PCNX1: variants seen among roughly 807,000 people sequenced by gnomAD.
The protein encoded by PCNX1 is pecanex 1, also known as pecanex-like protein 1.
PCNX1 carries 78 observed loss-of-function variants against 242.2 expected under a neutral mutation model. The ratio of observed to expected loss-of-function variants is 0.32; its 90% CI spans 0.27 to 0.39. PCNX1 has a LOEUF of 0.39. PCNX1 is among the 10% of genes least tolerant of loss of function. The pLI is 1.00. For synonymous variants in PCNX1, 1,024 were observed against 1,032.9 expected (o/e 0.99, Z 0.17); for missense variants, 2,581 against 2,856.5 (o/e 0.90, Z 2.20).
At chr14:70,979,038 A>G (rs1363577533) in intron 6 of PCNX1, among the ~76,000 whole-genome samples, 3 of 152,184 alleles carry the variant, frequency 2.0e-5, no homozygotes, top group Non-Finnish European at 4.4e-5. Flanking sequence ...TATACAGTAT[A>G]TGACACTGAA....
In PCNX1 at chr14:70,988,623, C is replaced by T. The variant is rs375043899; in HGVS notation, c.2368C>T (p.Arg790Cys). 6.8e-6 allele frequency: 11 copies of T among 1,613,912 alleles called. No individual in the cohort carries two copies. Among genetic ancestry groups the T allele is most frequent in the Admixed American group, 1.7e-5 (1 of 59,998 alleles). Residue 790 changes from arginine (R) to cysteine (C), a missense_variant, in exon 7 of 36, where the codon CGC becomes TGC. Transcript: ENST00000304743. ...SFRRERSTFR[R>C]QAVRRRHNAG... The stretch of plus-strand genomic sequence containing the variant: ...TCGCCGTGAACGCAGCACATTTAGG[C>T]GCCAGGCAGTACGGCGCCGGCACAA...
intron 1 of PCNX1, among the ~76,000 whole-genome samples, chr14:70,908,344 A>T (rs1312726268): frequency 6.6e-6 from 1 of 151,936 alleles, no homozygotes; most frequent in East Asian, 1.9e-4. Context: ...GCTGTGTGGC[A>T]GGCGCCGAGC....
intron 13 of PCNX1, among the ~76,000 whole-genome samples, chr14:71,024,447 G>A (rs1317766243): frequency 6.6e-6 from 1 of 151,988 alleles, no homozygotes; most frequent in African/African-American, 2.4e-5. Context: ...ATAGATATAG[G>A]CCAGTTATTT....
chr14:71,073,525 GCTCT>G lies in PCNX1; in HGVS notation c.4853-7_4853-4del. On this transcript the variant is annotated splice_polypyrimidine_tract_variant and intron_variant, in intron 26 of 35. Coordinates refer to ENST00000304743, the MANE Select transcript of PCNX1 (RefSeq NM_014982.3). ...CTTTCTGGTTTTCCCCCTTTGTAAAGCTCTCTCTCTCTCTCTAAGGTACCTACTG... is the reference window on the plus strand; with the variant it reads ...CTTTCTGGTTTTCCCCCTTTGTAAAGCTCTCTCTCTCTAAGGTACCTACTG... The G allele has an allele frequency of 2.6e-6, 4 of 1,523,218 alleles. No individual in the cohort carries two copies. The highest frequency in any genetic ancestry group is 3.6e-6 in the Non-Finnish European group (4 of 1,117,040). The allele number at this position is 1,523,218 out of a possible 1,614,324, so 94.4% of individuals were successfully genotyped here. A position where few individuals can be genotyped will look rare whatever the true frequency, so the allele number is the denominator to read the frequency against.
chr14:71,027,086 C>T, intron 15 of PCNX1: 1 of 435,620 alleles, frequency 2.3e-6, no homozygotes, highest in Non-Finnish European at 4.1e-6. Flanking sequence ...AGAGAAAGAG[C>T]CAGGTATAAT....
At chr14:71,044,305 C>A in intron 19 of PCNX1, 1 of 152,688 alleles carries the variant, frequency 6.5e-6, no homozygotes, top group Non-Finnish European at 1.5e-5. Context: ...GTCCTTTGGT[C>A]TACAGTCGGC....
At chr14:70,962,409 C>T (rs1467170620) in intron 3 of PCNX1, 78 bp downstream of exon 3, 11 of 740,946 alleles carry the variant, frequency 1.5e-5, no homozygotes, top group East Asian at 1.0e-4. Flanking sequence ...GTCTTTAAGT[C>T]GGCTGATGTT....
chr14:71,012,193 C>G (rs963073214), intron 10 of PCNX1: 2 of 152,938 alleles, frequency 1.3e-5, no homozygotes, highest in Non-Finnish European at 2.9e-5. Context: ...AATATAGTAA[C>G]AACAATGATA....
intron 19 of PCNX1, among the ~76,000 whole-genome samples, chr14:71,040,488 A>C (rs768554456): frequency 1.1e-4 from 17 of 152,154 alleles, no homozygotes; most frequent in Non-Finnish European, 2.4e-4. Context: ...TACAGTTTTC[A>C]TTAAATTTGG....
chr14:71,103,209 G>A (rs995909510), intron 31 of PCNX1, among the ~76,000 whole-genome samples, 186 bp from the exon 32 acceptor site: 5 of 151,832 alleles, frequency 3.3e-5, no homozygotes, highest in African/African-American at 9.7e-5. Flanking sequence ...TTATTATTTA[G>A]CAACCTGCTA....
At chr14:71,019,346 T>A (rs2140727197) in intron 12 of PCNX1, among the ~76,000 whole-genome samples, 184 bp downstream of exon 12, 1 of 152,294 alleles carries the variant, frequency 6.6e-6, no homozygotes, top group Admixed American at 6.5e-5. Flanking sequence ...GTATGTAAAT[T>A]AGCACTTCCT....
In PCNX1 at chr14:70,934,170, C is replaced by T. The variant is rs146146878; in HGVS notation, c.154-12745C>T. Among the ~76,000 whole-genome samples, 472 of 152,266 alleles carry T rather than the reference C, an allele frequency of 3.1e-3. 5 individuals are homozygous for T. The highest frequency in any genetic ancestry group is 0.011 in the African/African-American group (453 of 41,548). On this transcript the variant is annotated intron_variant, in intron 1 of 35. Transcript: ENST00000304743. ...GTATGACCATTTCTGTGATGCCAAG[C>T]GGCGTTTTCAAGAGTCCTATTAGAA...
At chr14:71,095,326 T>C (rs1228240498) in intron 30 of PCNX1, among the ~76,000 whole-genome samples, 1 of 152,206 alleles carries the variant, frequency 6.6e-6, no homozygotes, top group Non-Finnish European at 1.5e-5. Context: ...TTCTCCTTGT[T>C]TGGTACAGTG....
intron 26 of PCNX1, among the ~76,000 whole-genome samples, chr14:71,057,958 G>C (rs556490981): frequency 1.1e-4 from 17 of 152,256 alleles, no homozygotes; most frequent in African/African-American, 4.1e-4. Flanking sequence ...GTGTGTAATT[G>C]ATTTGTTTTC....
intron 8 of PCNX1, among the ~76,000 whole-genome samples, chr14:71,007,477 ATTAAC>A (rs2059699563): frequency 6.6e-6 from 1 of 152,154 alleles, no homozygotes; most frequent in African/African-American, 2.4e-5. Context: ...TGAATACAGA[ATTAAC>A]TTATTTCTAA....
At chr14:71,035,203 C>T (rs994427487) in intron 18 of PCNX1, among the ~76,000 whole-genome samples, 20 of 152,052 alleles carry the variant, frequency 1.3e-4, no homozygotes, top group African/African-American at 4.6e-4. Flanking sequence ...GCCTGGGCAA[C>T]ATAGTGAGAC....
intron 19 of PCNX1, among the ~76,000 whole-genome samples, chr14:71,042,139 A>G (rs907333841): frequency 5.3e-5 from 8 of 152,180 alleles, no homozygotes; most frequent in Non-Finnish European, 1.2e-4. Context: ...TAATGAGGAC[A>G]GTGTGTATTT....
intron 11 of PCNX1, among the ~76,000 whole-genome samples, chr14:71,018,802 A>G (rs938137988): frequency 1.3e-5 from 2 of 152,166 alleles, no homozygotes; most frequent in Admixed American, 1.3e-4. Context: ...TCACTGTAGC[A>G]TGTTTTATTT....
Position 70,953,774 on chromosome 14 carries a change from A to C in PCNX1, c.362+6651A>C, listed in dbSNP as rs910761527. ...AACCTCTGCCTCCTGGATTCAAGCT[A>C]GTCTTTTGCCTTCCCTCCTCAGTAG... On this transcript the variant is annotated intron_variant, in intron 2 of 35. Transcript: ENST00000304743. Among the ~76,000 whole-genome samples, 3 of 149,508 alleles carry C rather than the reference A, an allele frequency of 2.0e-5. No individual in the cohort carries two copies. In the Admixed American group the frequency reaches 2.0e-4, roughly 10 times the overall value.
Sources: allele counts gnomAD v4.1 joint callset (sites outside exome capture counted in the v4.1 genomes callset), GRCh38; gene constraint gnomAD v4.1.1; transcripts MANE v1.5; gene names NCBI Gene and HGNC (gene_info 2026-07-23, HGNC 2026-07-21).